The following PMFBP1 variants were observed in gnomAD, a reference collection of about 807,000 sequenced individuals.
PMFBP1 encodes polyamine modulated factor 1 binding protein 1.
Under a neutral mutation model 137.8 loss-of-function variants are expected in PMFBP1, and 131 were observed. The observed-to-expected ratio is 0.95, with a 90% CI of 0.82 to 1.10. The LOEUF (loss-of-function observed/expected upper bound fraction) is 1.10. Ranked by LOEUF, PMFBP1 falls within the 50% of genes least tolerant of loss-of-function variation. PMFBP1 has a pLI of 0.00. For synonymous variants in PMFBP1, 490 were observed against 450.4 expected, an observed-to-expected ratio of 1.09 and a Z score of -1.11; for missense variants, 1,199 against 1,175.4, an observed-to-expected ratio of 1.02 and a Z score of -0.29.
chr16:72,211,458 C>T, the PMFBP1 span, among the ~76,000 whole-genome samples: 5 of 152,138 alleles, frequency 3.3e-5, no homozygotes, highest in African/African-American at 1.2e-4. Context: ...CTCCCACTCC[C>T]AAAGAAAATG....
chr16:72,221,061 T>C, the PMFBP1 span, among the ~76,000 whole-genome samples: 1 of 151,954 alleles, frequency 6.6e-6, no homozygotes, highest in Non-Finnish European at 1.5e-5. Context: ...CAGGGGTATG[T>C]GATTGCGCTG....
At chr16:72,243,084 A>G in the PMFBP1 span, among the ~76,000 whole-genome samples, 2 of 152,226 alleles carry the variant, frequency 1.3e-5, no homozygotes, top group African/African-American at 4.8e-5. Flanking sequence ...TCATTTGCCT[A>G]TGAACTCAGA....
chr16:72,123,353 C>G (rs1160335729), intron 18 of PMFBP1, among the ~76,000 whole-genome samples, 193 bp downstream of exon 18: 1 of 152,208 alleles, frequency 6.6e-6, no homozygotes, highest in East Asian at 1.9e-4. Flanking sequence ...TCCAGCTCAG[C>G]AGAGGGCTTT....
the PMFBP1 span, among the ~76,000 whole-genome samples, chr16:72,214,683 T>C: frequency 6.6e-6 from 1 of 152,182 alleles, no homozygotes; most frequent in Non-Finnish European, 1.5e-5. Flanking sequence ...AGAGCATGTG[T>C]AGGACCCCAC....
the PMFBP1 span, among the ~76,000 whole-genome samples, chr16:72,233,831 C>A: frequency 6.6e-6 from 1 of 152,120 alleles, no homozygotes; most frequent in Non-Finnish European, 1.5e-5. Flanking sequence ...GGGAATCATA[C>A]AATATGTGGC....
chr16:72,185,022 G>A, the PMFBP1 span, among the ~76,000 whole-genome samples: 1 of 148,966 alleles, frequency 6.7e-6, no homozygotes, highest in African/African-American at 2.4e-5. Context: ...TCTGTGTCCT[G>A]TTTTCTTTTT....
At chr16:72,226,629 C>T in the PMFBP1 span, among the ~76,000 whole-genome samples, 1 of 152,096 alleles carries the variant, frequency 6.6e-6, no homozygotes. Context: ...AATTTTGTCT[C>T]TCTCTTAGAA....
At chr16:72,137,245 G>A (rs2042646138) in intron 7 of PMFBP1, among the ~76,000 whole-genome samples, 1 of 152,178 alleles carries the variant, frequency 6.6e-6, no homozygotes, top group South Asian at 2.1e-4. Flanking sequence ...TGTGTGCCCG[G>A]CACTGTCCTG....
intron 4 of PMFBP1, 64 bp from the exon 5 acceptor site, chr16:72,150,893 T>C (rs1164550406): frequency 1.4e-6 from 2 of 1,407,034 alleles, no homozygotes; most frequent in Non-Finnish European, 2.0e-6. Context: ...AAGGATGCGG[T>C]TGTAAGATTC....
At chr16:72,188,290 T>G in the PMFBP1 span, among the ~76,000 whole-genome samples, 4 of 152,200 alleles carry the variant, frequency 2.6e-5, no homozygotes, top group Non-Finnish European at 5.9e-5. Flanking sequence ...ATGAACACCT[T>G]TGATTTCTAA....
chr16:72,214,200 G>T, the PMFBP1 span, among the ~76,000 whole-genome samples: 3 of 147,248 alleles, frequency 2.0e-5, no homozygotes, highest in Non-Finnish European at 4.5e-5. Flanking sequence ...TTCATTATAA[G>T]TTTTTTTTTT....
chr16:72,137,727 G>A (rs577023732), intron 7 of PMFBP1, among the ~76,000 whole-genome samples: 2 of 152,288 alleles, frequency 1.3e-5, no homozygotes, highest in Admixed American at 6.5e-5. Context: ...GAAGGAGAGG[G>A]GATGCCTTCC....
At chr16:72,203,369 T>C in the PMFBP1 span, among the ~76,000 whole-genome samples, 5 of 152,168 alleles carry the variant, frequency 3.3e-5, no homozygotes, top group Admixed American at 1.3e-4. Flanking sequence ...GGAGGTGAAA[T>C]GGATTTCCAA....
At chr16:72,209,208 C>T in the PMFBP1 span, among the ~76,000 whole-genome samples, 3 of 152,230 alleles carry the variant, frequency 2.0e-5, no homozygotes, top group Admixed American at 1.3e-4. Flanking sequence ...AAGCGACATG[C>T]ACAGCATGCC....
At chr16:72,242,246 C>T in the PMFBP1 span, among the ~76,000 whole-genome samples, 1 of 152,186 alleles carries the variant, frequency 6.6e-6, no homozygotes, top group African/African-American at 2.4e-5. Context: ...GGCGCATTAG[C>T]GCACTAGATT....
the PMFBP1 span, among the ~76,000 whole-genome samples, chr16:72,237,554 C>T: frequency 6.6e-6 from 1 of 152,156 alleles, no homozygotes; most frequent in African/African-American, 2.4e-5. Context: ...TCTTCAATTT[C>T]TTTTTAAAAA....
At chr16:72,233,911 T>C in the PMFBP1 span, among the ~76,000 whole-genome samples, 2 of 152,190 alleles carry the variant, frequency 1.3e-5, no homozygotes, top group Non-Finnish European at 2.9e-5. Flanking sequence ...CAGGTGTCAG[T>C]ATTTCATTCT....
At chr16:72,211,552 A>G in the PMFBP1 span, among the ~76,000 whole-genome samples, 1 of 152,244 alleles carries the variant, frequency 6.6e-6, no homozygotes, top group African/African-American at 2.4e-5. Context: ...AAACAAAAAT[A>G]GACAAACAGA....
the PMFBP1 span, among the ~76,000 whole-genome samples, chr16:72,230,387 A>G: frequency 2.0e-5 from 3 of 152,198 alleles, no homozygotes; most frequent in Non-Finnish European, 2.9e-5. Context: ...AAGACACTTT[A>G]AATTATTACA....
Sources: gnomAD v4.1 joint callset for allele counts (sites outside exome capture counted in the v4.1 genomes callset) on GRCh38, gnomAD v4.1.1 for gene constraint, MANE v1.5 for transcripts, NCBI Gene and HGNC (gene_info 2026-07-23, HGNC 2026-07-21) for gene names.